PDE5A: variants seen among roughly 807,000 people sequenced by gnomAD.
The protein encoded by PDE5A is phosphodiesterase 5A.
Under a neutral mutation model 110.2 loss-of-function variants are expected in PDE5A, and 67 were observed. That is an observed-to-expected ratio of 0.61 (90% CI 0.50 to 0.75). The LOEUF (loss-of-function observed/expected upper bound fraction) is 0.75. Among genes scored for constraint, PDE5A ranks in the 30% least tolerant of loss-of-function variants. The pLI is 0.00. For synonymous variants in PDE5A, 328 were observed against 351.2 expected (o/e 0.93, Z 0.74); for missense variants, 862 against 1,045.1 (o/e 0.82, Z 2.42).
intron 3 of PDE5A, among the ~76,000 whole-genome samples, chr4:119,586,224 A>G (rs1011590630): frequency 1.3e-5 from 2 of 152,224 alleles, no homozygotes; most frequent in African/African-American, 4.8e-5. Context: ...TTTTCACTCC[A>G]TTTCATTACT....
At chr4:119,505,954 T>C in intron 16 of PDE5A, 22 bp from the exon 17 acceptor site, 2 of 1,439,932 alleles carry the variant, frequency 1.4e-6, no homozygotes, top group Middle Eastern at 1.8e-4. Context: ...AAAAAAAAAT[T>C]GTTAGTTATA....
At chr4:119,600,622 G>A (rs1479234105) in intron 2 of PDE5A, among the ~76,000 whole-genome samples, 1 of 152,062 alleles carries the variant, frequency 6.6e-6, no homozygotes, top group East Asian at 1.9e-4. Flanking sequence ...AAAGGACTCA[G>A]CAAATTTGTT....
chr4:119,573,055 A>ATAT (rs1728197003), intron 3 of PDE5A, among the ~76,000 whole-genome samples: 1 of 152,220 alleles, frequency 6.6e-6, no homozygotes, highest in African/African-American at 2.4e-5. Flanking sequence ...ACTTGCAATT[A>ATAT]TATTCAATGT....
chr4:119,538,143 G>A (rs547141074), intron 11 of PDE5A, among the ~76,000 whole-genome samples: 2 of 152,050 alleles, frequency 1.3e-5, no homozygotes, highest in South Asian at 2.1e-4. Flanking sequence ...GCTTCAGTGC[G>A]GCCTTCATAA....
Position 119,563,499 on chromosome 4 carries a change from A to G in PDE5A, c.994-529T>C, listed in dbSNP as rs943253099. 1.5e-4 allele frequency among the ~76,000 whole-genome samples: 23 copies of G among 152,098 alleles called. 1 individual carries two copies. The highest frequency in any genetic ancestry group is 5.6e-4 in the African/African-American group (23 of 41,412). On this transcript the variant is annotated intron_variant, in intron 5 of 20. Coordinates refer to ENST00000354960, the MANE Select transcript of PDE5A (RefSeq NM_001083.4). ...TAGATTTCTCTTTCTTCTGAACCTC[A>G]TAAGTATTACCAAAAACTTAGTGGA... is the stretch of plus-strand genomic sequence containing the variant.
At chr4:119,614,801 C>T (rs1462448755) in intron 1 of PDE5A, among the ~76,000 whole-genome samples, 1 of 152,148 alleles carries the variant, frequency 6.6e-6, no homozygotes, top group Non-Finnish European at 1.5e-5. Flanking sequence ...GCTGCACTTT[C>T]AGCCATGAGT....
chr4:119,563,352 A>C (rs891538819), intron 5 of PDE5A, among the ~76,000 whole-genome samples: 2 of 152,210 alleles, frequency 1.3e-5, no homozygotes, highest in African/African-American at 4.8e-5. Flanking sequence ...CGCACTGTTA[A>C]TGTTGTTCCA....
At position 119,622,790 on chromosome 4, in the gene PDE5A, G is replaced by A. The variant is rs1002341382; in HGVS notation, c.152+5730C>T. Among the ~76,000 whole-genome samples, 73 of 140,724 alleles carry A rather than the reference G, an allele frequency of 5.2e-4. 1 individual carries two copies. Among genetic ancestry groups the A allele is most frequent in the African/African-American group, 1.7e-3 (66 of 37,924 alleles). 92.3% of individuals were successfully genotyped at this position (140,724 alleles called of 152,430 possible). A position where few individuals can be genotyped will look rare whatever the true frequency, so the allele number is the denominator to read the frequency against. ...CGGGAGTCTGAGGCAGGAGAATGGC[G>A]TAAACTCGGCTTGCAATGAGCCGAG... On this transcript the variant is annotated intron_variant, in intron 1 of 20. Transcript: ENST00000354960.
chr4:119,512,534 A>C (rs1179735574), intron 14 of PDE5A: 1 of 152,244 alleles, frequency 6.6e-6, no homozygotes, highest in Non-Finnish European at 1.5e-5. Flanking sequence ...AGTCAGAGAG[A>C]GCCTGGATTA....
rs201238414 is a variant in PDE5A, at chr4:119,501,164, A to AAAT, written c.2490+3_2490+5dup. The AAAT allele has an allele frequency of 8.2e-4, 1,293 of 1,578,644 alleles. 11 individuals carry two copies. The African/African-American group carries it at 0.015, about 19-fold the overall frequency. On this transcript the variant is annotated splice_donor_region_variant and intron_variant, in intron 20 of 20. Coordinates refer to ENST00000354960, the MANE Select transcript of PDE5A (RefSeq NM_001083.4). Reference sequence around the variant, plus strand: ...TTAGCAAGTCTAGTAGTTTTCATATAAATACCTCATACAGTTGCAAGCAGA... The same window carrying AAAT: ...TTAGCAAGTCTAGTAGTTTTCATATAAATAATACCTCATACAGTTGCAAGCAGA...
intron 11 of PDE5A, among the ~76,000 whole-genome samples, chr4:119,528,460 G>A (rs1364930311): frequency 1.3e-5 from 2 of 152,056 alleles, no homozygotes; most frequent in East Asian, 1.9e-4. Flanking sequence ...GTAAACTGAT[G>A]TGCAGCTGAC....
At chr4:119,577,926 A>T (rs942127370) in intron 3 of PDE5A, among the ~76,000 whole-genome samples, 1 of 152,214 alleles carries the variant, frequency 6.6e-6, no homozygotes, top group African/African-American at 2.4e-5. Flanking sequence ...ATGATTATGT[A>T]TCTAGAAAAC....
intron 20 of PDE5A, 119 bp downstream of exon 20, chr4:119,501,048 CTAA>C (rs892668311): frequency 5.5e-5 from 34 of 618,852 alleles, no homozygotes; most frequent in Non-Finnish European, 8.3e-5. Flanking sequence ...AACCATACTG[CTAA>C]TAATTTTATT....
In PDE5A at chr4:119,519,071, A is replaced by G; in HGVS notation, c.1974T>C (p.Arg658=). The G allele has an allele frequency of 2.5e-6, 4 of 1,613,510 alleles. No homozygotes were observed. Among genetic ancestry groups the G allele is most frequent in the Non-Finnish European group, 2.5e-6 (3 of 1,179,432 alleles). The stretch of plus-strand genomic sequence containing the variant: ...GCTGTATGTAAGAGTTATTCACACC[A>G]CGGTGATCCAAATCGTGGCTTAGTG... The part of the protein sequence containing the change: ...IAALSHDLDH[R]GVNNSYIQRS... The change falls in exon 14 of 21, where the codon CGT becomes CGC. Residue 658 remains arginine (R), a synonymous_variant. Transcript: ENST00000354960.
intron 20 of PDE5A, 31 bp from the exon 21 acceptor site, chr4:119,498,769 A>G: frequency 6.2e-7 from 1 of 1,612,676 alleles, no homozygotes; most frequent in Non-Finnish European, 8.5e-7. Context: ...AAACAGCTAG[A>G]GAGAAGCCAG....
At chr4:119,532,352 T>G (rs1156422291) in intron 11 of PDE5A, among the ~76,000 whole-genome samples, 1 of 152,072 alleles carries the variant, frequency 6.6e-6, no homozygotes, top group East Asian at 1.9e-4. Flanking sequence ...AGGAAGTATG[T>G]TAGTAGCTTG....
intron 11 of PDE5A, among the ~76,000 whole-genome samples, chr4:119,532,446 T>G (rs1234614915): frequency 2.0e-5 from 3 of 152,086 alleles, no homozygotes; most frequent in Admixed American, 2.0e-4. Flanking sequence ...TTCCTGAGCT[T>G]TATCAATGCC....
At chr4:119,503,724 G>A (rs1206601314) in intron 18 of PDE5A, among the ~76,000 whole-genome samples, 1 of 152,058 alleles carries the variant, frequency 6.6e-6, no homozygotes, top group Non-Finnish European at 1.5e-5. Flanking sequence ...AACATTTTGG[G>A]TTTTTGCATT....
rs1405252919 is a variant in PDE5A at position 119,498,150 on chromosome 4, T to TA, written c.*450dup. The TA allele has an allele frequency of 1.3e-5, 2 of 154,010 alleles. No homozygotes were observed. The highest frequency in any genetic ancestry group is 2.4e-5 in the African/African-American group (1 of 41,470). The allele number at this position is 154,010 out of a possible 1,614,324, so 9.5% of individuals were successfully genotyped here. A position where few individuals can be genotyped will look rare whatever the true frequency, so the allele number is the denominator to read the frequency against. On this transcript the variant is annotated 3_prime_UTR_variant, in exon 21 of 21. Transcript: ENST00000354960. ...TCAGCCAGCATTTTTCACTATCCTA[T>TA]AAAGGCTTTAAATGTCACAGAATGT...
Sources: gnomAD v4.1 joint callset for allele counts (sites outside exome capture counted in the v4.1 genomes callset) on GRCh38, gnomAD v4.1.1 for gene constraint, MANE v1.5 for transcripts, NCBI Gene and HGNC (gene_info 2026-07-23, HGNC 2026-07-21) for gene names.